Variants in ZNF609 observed in about 807,000 individuals in gnomAD.
ZNF609 encodes zinc finger protein 609.
Under a neutral mutation model 109.5 loss-of-function variants are expected in ZNF609, and 11 were observed. The ratio of observed to expected loss-of-function variants is 0.10; its 90% CI spans 0.06 to 0.17. ZNF609 has a LOEUF of 0.17. Ranked by LOEUF, ZNF609 falls within the 10% of genes least tolerant of loss-of-function variation. The pLI is 1.00. For synonymous variants in ZNF609, 646 were observed against 662.0 expected (o/e 0.98, Z 0.37); for missense variants, 1,559 against 1,772.4 (o/e 0.88, Z 2.16).
At chr15:64,677,554 A>G (rs1896826013) in intron 5 of ZNF609, among the ~76,000 whole-genome samples, 1 of 152,128 alleles carries the variant, frequency 6.6e-6, no homozygotes, top group Non-Finnish European at 1.5e-5. Context: ...TCTATTTTTT[A>G]GAGTAGGTCC....
At position 64,682,649 on chromosome 15, in the gene ZNF609, C is replaced by G. The variant is rs2083217482; in HGVS notation, c.*963C>G. 1 of 152,690 alleles carries G rather than the reference C, an allele frequency of 6.5e-6. No individual in the cohort carries two copies. The highest frequency in any genetic ancestry group is 1.5e-5 in the Non-Finnish European group (1 of 68,084). 9.5% of individuals were successfully genotyped at this position (152,690 alleles called of 1,614,324 possible). A position where few individuals can be genotyped will look rare whatever the true frequency, so the allele number is the denominator to read the frequency against. ...CAGGCAGATAAACTAGTATTCCCCC[C>G]AGCTTGGGGAACCTTGGAGTCTGCC... On this transcript the variant is annotated 3_prime_UTR_variant, in exon 10 of 10. Coordinates refer to ENST00000326648, the MANE Select transcript of ZNF609 (RefSeq NM_015042.2).
intron 2 of ZNF609, among the ~76,000 whole-genome samples, chr15:64,584,242 G>A (rs1895158708): frequency 6.6e-6 from 1 of 152,172 alleles, no homozygotes; most frequent in South Asian, 2.1e-4. Context: ...TGGATTGTTT[G>A]AGTCTAGGAG....
At chr15:64,576,954 A>ATGTATATATACACATAAATATATATG (rs1894970036) in intron 2 of ZNF609, among the ~76,000 whole-genome samples, 1 of 142,288 alleles carries the variant, frequency 7.0e-6, no homozygotes, top group African/African-American at 2.6e-5. Flanking sequence ...ATATACATAT[A>ATGTATATATACACATAAATATATATG]TGTATATATA....
intron 1 of ZNF609, among the ~76,000 whole-genome samples, chr15:64,481,512 G>A (rs1328640499): frequency 6.6e-6 from 1 of 151,830 alleles, no homozygotes; most frequent in Non-Finnish European, 1.5e-5. Flanking sequence ...TAGAGGCGGG[G>A]TTTCTTCATG....
intron 2 of ZNF609, among the ~76,000 whole-genome samples, chr15:64,613,126 G>A (rs912258744): frequency 5.9e-5 from 9 of 152,076 alleles, no homozygotes; most frequent in African/African-American, 2.2e-4. Context: ...TTCAAGACCA[G>A]CCTGGGAAAC....
At chr15:64,666,999 G>C (rs1896658340) in intron 3 of ZNF609, among the ~76,000 whole-genome samples, 1 of 152,064 alleles carries the variant, frequency 6.6e-6, no homozygotes, top group Non-Finnish European at 1.5e-5. Context: ...GTGTGGTGAT[G>C]TGCGCCTCTA....
intron 2 of ZNF609, among the ~76,000 whole-genome samples, chr15:64,550,293 GCCC>G (rs1894443585): frequency 6.6e-6 from 1 of 151,508 alleles, no homozygotes; most frequent in Non-Finnish European, 1.5e-5. Flanking sequence ...CAAGTGTTTT[GCCC>G]AGGTTTGAAT....
chr15:64,642,910 C>A (rs1344496185), intron 3 of ZNF609, among the ~76,000 whole-genome samples: 3 of 152,122 alleles, frequency 2.0e-5, no homozygotes, highest in African/African-American at 7.2e-5. Context: ...TAGTACGTAA[C>A]CACACATGGT....
chr15:64,590,826 A>G (rs965977524), intron 2 of ZNF609, among the ~76,000 whole-genome samples: 2 of 152,102 alleles, frequency 1.3e-5, no homozygotes, highest in African/African-American at 2.4e-5. Flanking sequence ...AACCATAACC[A>G]TTTTGTGTTT....
intron 2 of ZNF609, among the ~76,000 whole-genome samples, chr15:64,520,404 G>A (rs1263495091): frequency 6.6e-6 from 1 of 152,032 alleles, no homozygotes; most frequent in African/African-American, 2.4e-5. Context: ...ATATTGTTGT[G>A]GATGCTATTT....
chr15:64,522,502 G>A (rs899170367), intron 2 of ZNF609, among the ~76,000 whole-genome samples: 6 of 152,136 alleles, frequency 3.9e-5, no homozygotes, highest in Non-Finnish European at 7.3e-5. Flanking sequence ...TCACCCTGGA[G>A]TATGAAACTC....
Position 64,674,140 on chromosome 15 carries a change from A to G in ZNF609, c.1286A>G (p.Asp429Gly). 1.2e-6 allele frequency: 2 copies of G among 1,614,218 alleles called. No homozygotes were observed. Among genetic ancestry groups the G allele is most frequent in the Non-Finnish European group, 1.7e-6 (2 of 1,180,036 alleles). The change falls in exon 5 of 10, where the codon GAT (aspartate) becomes GGT (glycine). Residue 429 changes from aspartate to glycine, a missense_variant. By Grantham distance (94) the Asp-to-Gly change is moderately conservative. This residue lies in a region of ZNF609 where 1,204 missense variants were observed against 1,314.1 expected (regional missense o/e 0.92). Transcript: ENST00000326648. ...CCACCTGCCAGCAGCACTTCTGAGG[A>G]TGTCAAGGCCAGCCCTTCCTCAGCT... ...HRPPASSTSE[D>G]VKASPSSANK...
At position 64,685,160 on chromosome 15, in the gene ZNF609, T is replaced by A. The variant is rs923309315; in HGVS notation, c.*3474T>A. The stretch of plus-strand genomic sequence containing the variant: ...AAAGTGTACATTACCAAGTTCCTTG[T>A]TTTTTTATATATATATATAAATATA... On this transcript the variant is annotated 3_prime_UTR_variant, in exon 10 of 10. Coordinates refer to ENST00000326648, the MANE Select transcript of ZNF609 (RefSeq NM_015042.2). 2 of 150,880 alleles carry A rather than the reference T, an allele frequency of 1.3e-5. No homozygotes were observed. The highest frequency in any genetic ancestry group is 3.0e-5 in the Non-Finnish European group (2 of 67,704). 9.3% of individuals were successfully genotyped at this position (150,880 alleles called of 1,614,324 possible).
chr15:64,571,952 G>T (rs1894865742), intron 2 of ZNF609, among the ~76,000 whole-genome samples: 1 of 152,144 alleles, frequency 6.6e-6, no homozygotes. Context: ...GCCCGGCCTT[G>T]AGTCTTTGTT....
At chr15:64,668,961 A>G (rs1440604496) in intron 3 of ZNF609, among the ~76,000 whole-genome samples, 1 of 150,676 alleles carries the variant, frequency 6.6e-6, no homozygotes, top group African/African-American at 2.4e-5. Flanking sequence ...TCAAAAAAAA[A>G]AAAAAAAAAA....
chr15:64,500,614 G>C, intron 2 of ZNF609: 1 of 581,230 alleles, frequency 1.7e-6, no homozygotes, highest in Non-Finnish European at 3.1e-6. Context: ...TGGGATAAAT[G>C]GTGCTGTTGG....
In ZNF609 at chr15:64,460,768, G is replaced by C; in HGVS notation, c.-198G>C. Reference sequence around the variant, plus strand: ...GGGAACGGATGGCGGCCTGGGCCCCGTAGCAGCGGCGGCTCTACGGCCCGG... The same window carrying C: ...GGGAACGGATGGCGGCCTGGGCCCCCTAGCAGCGGCGGCTCTACGGCCCGG... On this transcript the variant is annotated 5_prime_UTR_variant, in exon 1 of 10. Coordinates refer to ENST00000326648, the MANE Select transcript of ZNF609 (RefSeq NM_015042.2). 1 of 153,730 alleles carries C rather than the reference G, an allele frequency of 6.5e-6. No individual in the cohort carries two copies. The highest frequency in any genetic ancestry group is 1.4e-5 in the Non-Finnish European group (1 of 70,054). 9.5% of individuals were successfully genotyped at this position (153,730 alleles called of 1,614,324 possible). A position where few individuals can be genotyped will look rare whatever the true frequency, so the allele number is the denominator to read the frequency against.
chr15:64,485,998 T>G (rs1457585167), intron 1 of ZNF609, among the ~76,000 whole-genome samples: 1 of 152,110 alleles, frequency 6.6e-6, no homozygotes, highest in East Asian at 1.9e-4. Context: ...ACATGTAGAG[T>G]CATACTATTT....
chr15:64,599,226 T>C (rs376834367), intron 2 of ZNF609, among the ~76,000 whole-genome samples: 1 of 119,004 alleles, frequency 8.4e-6, no homozygotes, highest in African/African-American at 3.4e-5. Flanking sequence ...AACAAAAAAG[T>C]AAAAAATTTT....
Sources: gnomAD v4.1 joint callset for allele counts (sites outside exome capture counted in the v4.1 genomes callset) on GRCh38, gnomAD v4.1.1 for gene constraint, gnomAD v4.1.1 regional missense constraint, MANE v1.5 for transcripts, NCBI Gene and HGNC (gene_info 2026-07-23, HGNC 2026-07-21) for gene names.